PTK6: variants seen among roughly 807,000 people sequenced by gnomAD.
PTK6 encodes protein-tyrosine kinase 6.
A neutral mutation model predicts 47.5 loss-of-function variants in PTK6; 47 were observed. The observed-to-expected ratio is 0.99, with a 90% confidence interval of 0.78 to 1.26. The LOEUF (loss-of-function observed/expected upper bound fraction) is 1.26, where lower values mean the gene tolerates loss of function less well. PTK6 is among the 50% of genes most tolerant of loss of function. PTK6 has a pLI of 0.00. For missense variants in PTK6, 618 were observed against 625.3 expected, an observed-to-expected ratio of 0.99 and a Z score of 0.12; for synonymous variants, 287 against 276.5, an observed-to-expected ratio of 1.04 and a Z score of -0.38.
Position 63,535,406 on chromosome 20 carries a change from TCACA to T in PTK6, c.231-351_231-348del, listed in dbSNP as rs113658074. ...GCACACACCCATGTGTGACGCACGC[TCACA>T]CACACACAGTCACAAACCCCCACAC... On this transcript the variant is annotated intron_variant, in intron 1 of 7. Coordinates refer to ENST00000542869, the MANE Select transcript of PTK6 (RefSeq NM_005975.4). Among the ~76,000 whole-genome samples the T allele has an allele frequency of 8.4e-5, 12 of 142,534 alleles. No individual in the cohort carries two copies. The East Asian group carries it at 1.2e-3, about 14-fold the overall frequency. 93.5% of individuals were successfully genotyped at this position (142,534 alleles called of 152,430 possible). A position where few individuals can be genotyped will look rare whatever the true frequency, so the allele number is the denominator to read the frequency against.
rs534124542 is a variant in PTK6 at position 63,529,355 on chromosome 20, C to T, written c.*181G>A. On this transcript the variant is annotated 3_prime_UTR_variant, in exon 8 of 8. Coordinates refer to ENST00000542869, the MANE Select transcript of PTK6 (RefSeq NM_005975.4). The surrounding 1 kb of genome is among the most constrained non-coding windows in gnomAD (Gnocchi z 5.6). ...CAGCAGCTGAGACCCAAGGCACACA[C>T]GATGGAGTAAGGAGAGGAGCACACG... The T allele has an allele frequency of 4.6e-6, 3 of 648,682 alleles. No homozygotes were observed. The highest frequency in any genetic ancestry group is 1.9e-5 in the African/African-American group (1 of 51,882). The allele number at this position is 648,682 out of a possible 1,614,324, so 40.2% of individuals were successfully genotyped here.
chr20:63,529,504 G>T lies in PTK6; in HGVS notation c.*32C>A, dbSNP rs753645765. ...GGCCCTCTGCCCAGGCCCCTCCTCA[G>T]CAGGGCCCGGCCATGCCCGCTCCAC... On this transcript the variant is annotated 3_prime_UTR_variant, in exon 8 of 8. Transcript: ENST00000542869. This position sits in a 1 kb window ranked among gnomAD's most constrained non-coding sequence, Gnocchi z 5.6. 10 of 1,517,714 alleles carry T rather than the reference G, an allele frequency of 6.6e-6. No homozygotes were observed. Among genetic ancestry groups the T allele is most frequent in the Non-Finnish European group, 7.9e-6 (9 of 1,132,980 alleles). 94.0% of individuals were successfully genotyped at this position (1,517,714 alleles called of 1,614,324 possible).
In PTK6 at chr20:63,537,160, T is replaced by C. The variant is rs1418764982; in HGVS notation, c.155A>G (p.Glu52Gly). The change falls in exon 1 of 8, where the codon GAG becomes GGG. Residue 52 changes from glutamate (E) to glycine (G), a missense_variant. Physicochemically the swap from Glu to Gly is moderately conservative, Grantham distance 98. Transcript: ENST00000542869. Reference sequence around the variant, plus strand: ...GCCCTGGGCCACGGCCCCACCCGCCTCGTCCAGCAGCGTGGCCCACCACCA... The same window carrying C: ...GCCCTGGGCCACGGCCCCACCCGCCCCGTCCAGCAGCGTGGCCCACCACCA... The part of the protein sequence containing the change: ...EQWWWATLLD[E>G]AGGAVAQGYV... The C allele has an allele frequency of 6.2e-7, 1 of 1,612,276 alleles. No homozygotes were observed. Among genetic ancestry groups the C allele is most frequent in the East Asian group, 2.2e-5 (1 of 44,864 alleles).
At position 63,532,450 on chromosome 20, in the gene PTK6, T is replaced by TG. The variant is rs11086169; in HGVS notation, c.832+75dup. ...GTCTACGTGTGTGTGTGTGTAGACG[T>TG]GGGGGGGGGGTGTGCACTTTATTTC... On this transcript the variant is annotated intron_variant, in intron 5 of 7. Coordinates refer to ENST00000542869, the MANE Select transcript of PTK6 (RefSeq NM_005975.4). 9.2e-3 allele frequency: 12,007 copies of TG among 1,304,240 alleles called. 20 individuals are homozygous for TG. The highest frequency in any genetic ancestry group is 0.046 in the South Asian group (3,184 of 68,772). The allele number at this position is 1,304,240 out of a possible 1,614,324, so 80.8% of individuals were successfully genotyped here. A position where few individuals can be genotyped will look rare whatever the true frequency, so the allele number is the denominator to read the frequency against.
rs1405805752 is a variant in PTK6 at position 63,533,828 on chromosome 20, TTCTGAGTG to T, written c.517-132_517-125del. The T allele has an allele frequency of 2.2e-6, 3 of 1,357,168 alleles. No homozygotes were observed. Among genetic ancestry groups the T allele is most frequent in the Non-Finnish European group, 3.0e-6 (3 of 1,013,398 alleles). The allele number at this position is 1,357,168 out of a possible 1,614,324, so 84.1% of individuals were successfully genotyped here. A position where few individuals can be genotyped will look rare whatever the true frequency, so the allele number is the denominator to read the frequency against. On this transcript the variant is annotated intron_variant, in intron 3 of 7. Transcript: ENST00000542869. This position sits in a 1 kb window ranked among gnomAD's most constrained non-coding sequence, Gnocchi z 4.0. ...GCCACGATCAGCCTGGGTTGGGGGT[TTCTGAGTG>T]TCTGACACAAGGGTGGACTCTCCTG...
chr20:63,533,536 T>G lies in PTK6; in HGVS notation c.670+15A>C, dbSNP rs749144004. 1.3e-6 allele frequency: 2 copies of G among 1,593,736 alleles called. No homozygotes were observed. Among genetic ancestry groups the G allele is most frequent in the Non-Finnish European group, 1.7e-6 (2 of 1,167,786 alleles). ...GGCACGGGGCCACACAGAGCCCTGA[T>G]CGGGGCCCACTCACCTCGAGAAATC... is the stretch of plus-strand genomic sequence containing the variant. On this transcript the variant is annotated intron_variant, in intron 4 of 7. Coordinates refer to ENST00000542869, the MANE Select transcript of PTK6 (RefSeq NM_005975.4). This position sits in a 1 kb window ranked among gnomAD's most constrained non-coding sequence, Gnocchi z 4.0.
intron 5 of PTK6, among the ~76,000 whole-genome samples, chr20:63,531,454 A>T (rs2082620075): frequency 7.6e-6 from 1 of 131,150 alleles, no homozygotes; most frequent in Non-Finnish European, 1.6e-5. Flanking sequence ...ATATATATAT[A>T]TATATATATA....
rs1014926756 is a variant in PTK6, at chr20:63,536,317, G to A, written c.230+768C>T. On this transcript the variant is annotated intron_variant, in intron 1 of 7. Transcript: ENST00000542869. The stretch of plus-strand genomic sequence containing the variant: ...CTCACTAACGAGGTCGTGGGTCTGC[G>A]CGTGACCCTGCTAACGAGGTCGTGG... 5.5e-5 allele frequency among the ~76,000 whole-genome samples: 8 copies of A among 145,160 alleles called. No individual in the cohort carries two copies. The South Asian group carries it at 1.6e-3, about 29-fold the overall frequency.
At position 63,530,183 on chromosome 20, in the gene PTK6, C is replaced by T. The variant is rs1428515280; in HGVS notation, c.1063G>A (p.Ala355Thr). 2.5e-6 allele frequency: 4 copies of T among 1,613,950 alleles called. No homozygotes were observed. In the African/African-American group the frequency reaches 4.0e-5, roughly 16 times the overall value. Residue 355 changes from alanine (A) to threonine (T), a missense_variant, in exon 7 of 8, where the codon GCC becomes ACC. Coordinates refer to ENST00000542869, the MANE Select transcript of PTK6 (RefSeq NM_005975.4). This position sits in a 1 kb window ranked among gnomAD's most constrained non-coding sequence, Gnocchi z 4.1. ...HDHNIPYKWT[A>T]PEALSRGHYS... ...TGGCCTCGGGAGAGCGCTTCAGGGGCCGTCCACTTGTAGGGGATATTGTGG... is the reference window on the plus strand; with the variant it reads ...TGGCCTCGGGAGAGCGCTTCAGGGGTCGTCCACTTGTAGGGGATATTGTGG...
rs1047164693 is a variant in PTK6 at position 63,530,330 on chromosome 20, C to T, written c.1015-99G>A. 14 of 1,454,174 alleles carry T rather than the reference C, an allele frequency of 9.6e-6. No homozygotes were observed. The highest frequency in any genetic ancestry group is 1.9e-4 in the Middle Eastern group (1 of 5,230). 90.1% of individuals were successfully genotyped at this position (1,454,174 alleles called of 1,614,324 possible). A position where few individuals can be genotyped will look rare whatever the true frequency, so the allele number is the denominator to read the frequency against. Reference sequence around the variant, plus strand: ...CGGCCGCATTGCCCCAGCAGTGGGACGGTGATGACCCCACTGTCTGACCCA... The same window carrying T: ...CGGCCGCATTGCCCCAGCAGTGGGATGGTGATGACCCCACTGTCTGACCCA... On this transcript the variant is annotated intron_variant, in intron 6 of 7. Transcript: ENST00000542869. The surrounding 1 kb of genome is among the most constrained non-coding windows in gnomAD (Gnocchi z 4.1).
Position 63,537,071 on chromosome 20 carries a change from C to G in PTK6, c.230+14G>C. The G allele has an allele frequency of 1.9e-6, 3 of 1,598,178 alleles. No individual in the cohort carries two copies. Among genetic ancestry groups the G allele is most frequent in the Non-Finnish European group, 2.6e-6 (3 of 1,172,312 alleles). ...TGGCCTGTGCCAAAGCTCCCAGCAG[C>G]CTAGGACACGCACGGTTCCGACTCC... On this transcript the variant is annotated intron_variant, in intron 1 of 7. Transcript: ENST00000542869.
rs771991525 is a variant in PTK6 at position 63,534,169 on chromosome 20, C to G, written c.499G>C (p.Ala167Pro). The G allele has an allele frequency of 7.1e-6, 11 of 1,556,156 alleles. No individual in the cohort carries two copies. Among genetic ancestry groups the G allele is most frequent in the Non-Finnish European group, 9.6e-6 (11 of 1,151,340 alleles). ...GCGGCTACCTTCCGGCAGGGCGCGG[C>G]CAGCCGCAGGCCGTGGGACAGGCTC... ...AQSLSHGLRL[A>P]APCRKHEPEP... Residue 167 changes from alanine (A) to proline (P), a missense_variant, in exon 3 of 8, where the codon GCC (alanine) becomes CCC (proline). By Grantham distance (27) the Ala-to-Pro change is conservative. Coordinates refer to ENST00000542869, the MANE Select transcript of PTK6 (RefSeq NM_005975.4).
rs956780042 is a variant in PTK6 at position 63,530,241 on chromosome 20, G to T, written c.1015-10C>A. The T allele has an allele frequency of 6.2e-7, 1 of 1,612,932 alleles. No individual in the cohort carries two copies. Among genetic ancestry groups the T allele is most frequent in the African/African-American group, 1.3e-5 (1 of 75,054 alleles). On this transcript the variant is annotated splice_polypyrimidine_tract_variant and intron_variant, in intron 6 of 7. Transcript: ENST00000542869. This position sits in a 1 kb window ranked among gnomAD's most constrained non-coding sequence, Gnocchi z 4.1. ...AGAGGTAGACGTCCTCCTGCAATCAGCCTGGAGCTGAGTGGGCCGTGGGGG... is the reference window on the plus strand; with the variant it reads ...AGAGGTAGACGTCCTCCTGCAATCATCCTGGAGCTGAGTGGGCCGTGGGGG...
Position 63,537,157 on chromosome 20 carries a change from G to C in PTK6, c.158C>G (p.Ala53Gly), listed in dbSNP as rs765004968. 6.2e-7 allele frequency: 1 copy of C among 1,611,648 alleles called. No homozygotes were observed. The highest frequency in any genetic ancestry group is 8.5e-7 in the Non-Finnish European group (1 of 1,179,670). Residue 53 changes from alanine to glycine, a missense_variant, in exon 1 of 8, where the codon GCG becomes GGG. Ala to Gly is a moderately conservative substitution (Grantham distance 60). Transcript: ENST00000542869. ...QWWWATLLDE[A>G]GGAVAQGYVP... ...ATAGCCCTGGGCCACGGCCCCACCC[G>C]CCTCGTCCAGCAGCGTGGCCCACCA...
Position 63,535,310 on chromosome 20 carries a change from G to A in PTK6, c.231-251C>T, listed in dbSNP as rs186876351. 5.3e-3 allele frequency among the ~76,000 whole-genome samples: 812 copies of A among 152,274 alleles called. 8 individuals carry two copies. The highest frequency in any genetic ancestry group is 0.018 in the African/African-American group (764 of 41,546). On this transcript the variant is annotated intron_variant, in intron 1 of 7. Transcript: ENST00000542869. ...TACCACACCCTGCCCTGAGTGGCCC[G>A]AGTCTAGGGGTCAGAGCCTAGGGTG...
At chr20:63,531,419 T>C (rs1426820891) in intron 5 of PTK6, among the ~76,000 whole-genome samples, 9 of 29,740 alleles carry the variant, frequency 3.0e-4, no homozygotes, top group African/African-American at 4.6e-4. Flanking sequence ...AGACTCCGTC[T>C]CAAAAAAAAA....
At position 63,529,995 on chromosome 20, in the gene PTK6, G is replaced by C; in HGVS notation, c.1168+83C>G. 2.0e-6 allele frequency: 3 copies of C among 1,518,562 alleles called. No homozygotes were observed. Among genetic ancestry groups the C allele is most frequent in the Non-Finnish European group, 2.7e-6 (3 of 1,111,558 alleles). The allele number at this position is 1,518,562 out of a possible 1,614,324, so 94.1% of individuals were successfully genotyped here. A position where few individuals can be genotyped will look rare whatever the true frequency, so the allele number is the denominator to read the frequency against. On this transcript the variant is annotated intron_variant, in intron 7 of 7. Coordinates refer to ENST00000542869, the MANE Select transcript of PTK6 (RefSeq NM_005975.4). The surrounding 1 kb of genome is among the most constrained non-coding windows in gnomAD (Gnocchi z 5.6). ...GAGGGCCCTGAAGCCCGTGGGGGAG[G>C]CACCCCCCAGCGTCCCTGCCGGCTA...
chr20:63,534,007 G>C (rs768414679), intron 3 of PTK6, 145 bp downstream of exon 3: 7 of 1,229,640 alleles, frequency 5.7e-6, no homozygotes, highest in Non-Finnish European at 6.6e-6. Flanking sequence ...GTGCTCTGCA[G>C]AACCATGGGC....
Position 63,529,499 on chromosome 20 carries a change from C to A in PTK6, c.*37G>T. 1 of 1,512,858 alleles carries A rather than the reference C, an allele frequency of 6.6e-7. No individual in the cohort carries two copies. The highest frequency in any genetic ancestry group is 8.8e-7 in the Non-Finnish European group (1 of 1,130,734). The allele number at this position is 1,512,858 out of a possible 1,614,324, so 93.7% of individuals were successfully genotyped here. A position where few individuals can be genotyped will look rare whatever the true frequency, so the allele number is the denominator to read the frequency against. ...GTCCAGGCCCTCTGCCCAGGCCCCT[C>A]CTCAGCAGGGCCCGGCCATGCCCGC... On this transcript the variant is annotated 3_prime_UTR_variant, in exon 8 of 8. Coordinates refer to ENST00000542869, the MANE Select transcript of PTK6 (RefSeq NM_005975.4). The surrounding 1 kb of genome is among the most constrained non-coding windows in gnomAD (Gnocchi z 5.6).
Sources: allele counts gnomAD v4.1 joint callset (sites outside exome capture counted in the v4.1 genomes callset), GRCh38; gene constraint gnomAD v4.1.1; non-coding constraint Gnocchi (gnomAD v3.1); transcripts MANE v1.5; gene names NCBI Gene and HGNC (gene_info 2026-07-23, HGNC 2026-07-21).